Variants in UBAC2 observed in about 807,000 individuals in gnomAD.
UBAC2 encodes the protein UBA domain containing 2.
A neutral mutation model predicts 44.0 loss-of-function variants in UBAC2; 26 were observed. The ratio of observed to expected loss-of-function variants is 0.59; its 90% CI spans 0.43 to 0.82. The LOEUF is 0.82. Among genes scored for constraint, UBAC2 ranks in the 40% least tolerant of loss-of-function variants. The pLI, the probability that UBAC2 is intolerant of heterozygous loss-of-function variation, is 0.00. For synonymous variants in UBAC2, 155 were observed against 154.3 expected, an observed-to-expected ratio of 1.00 and a Z score of -0.04; for missense variants, 329 against 419.4, an observed-to-expected ratio of 0.78 and a Z score of 1.88.
rs376502594 is a variant in UBAC2, at chr13:99,200,882, C to T, written c.-27C>T. Reference sequence around the variant, plus strand: ...CTTCAGCTTCCCCTCCCCCGGCGCCCTCTGGGGCTCCGAGCCCGGCGGGAC... The same window carrying T: ...CTTCAGCTTCCCCTCCCCCGGCGCCTTCTGGGGCTCCGAGCCCGGCGGGAC... On this transcript the variant is annotated 5_prime_UTR_variant, in exon 1 of 9. Coordinates refer to ENST00000403766, the MANE Select transcript of UBAC2 (RefSeq NM_001144072.2). The T allele has an allele frequency of 8.4e-6, 11 of 1,302,518 alleles. No homozygotes were observed. Among genetic ancestry groups the T allele is most frequent in the South Asian group, 2.8e-5 (1 of 36,180 alleles). The allele number at this position is 1,302,518 out of a possible 1,614,324, so 80.7% of individuals were successfully genotyped here.
chr13:99,342,976 GT>G (rs1454391544), intron 7 of UBAC2, among the ~76,000 whole-genome samples: 1 of 152,226 alleles, frequency 6.6e-6, no homozygotes, highest in Non-Finnish European at 1.5e-5. Flanking sequence ...CCATTTGGCT[GT>G]TTTCCCCTCT....
At position 99,354,991 on chromosome 13, in the gene UBAC2, C is replaced by T. The variant is rs116482066; in HGVS notation, c.808-12796C>T. ...AGACATGAGCTGGGAAGTGGACATC[C>T]GCCTGCCACGGTGAACGCAGATAGG... On this transcript the variant is annotated intron_variant, in intron 7 of 8. Coordinates refer to ENST00000403766, the MANE Select transcript of UBAC2 (RefSeq NM_001144072.2). 2.4e-3 allele frequency among the ~76,000 whole-genome samples: 365 copies of T among 151,716 alleles called. 4 individuals carry two copies. Among genetic ancestry groups the T allele is most frequent in the African/African-American group, 8.5e-3 (347 of 41,030 alleles).
chr13:99,290,021 ATATCTGTT>A (rs1388342241), intron 4 of UBAC2, among the ~76,000 whole-genome samples: 1 of 152,196 alleles, frequency 6.6e-6, no homozygotes, highest in Non-Finnish European at 1.5e-5. Context: ...GACCTGGAAC[ATATCTGTT>A]TATTTGTTTA....
At chr13:99,327,494 G>A (rs1002869900) in intron 6 of UBAC2, among the ~76,000 whole-genome samples, 4 of 152,084 alleles carry the variant, frequency 2.6e-5, no homozygotes, top group Non-Finnish European at 4.4e-5. Context: ...CTGTGTGTGT[G>A]TGTGTGTGTT....
chr13:99,353,353 C>T (rs2045125401), intron 7 of UBAC2, among the ~76,000 whole-genome samples: 1 of 152,232 alleles, frequency 6.6e-6, no homozygotes, highest in South Asian at 2.1e-4. Context: ...TCATACTGAT[C>T]TTTTTGACAA....
chr13:99,213,400 G>A (rs1016559159), intron 1 of UBAC2, among the ~76,000 whole-genome samples: 6 of 151,588 alleles, frequency 4.0e-5, no homozygotes, highest in South Asian at 2.1e-4. Context: ...TTGCTCTGTC[G>A]TCCAGCCTGG....
chr13:99,324,586 T>C (rs1414036339), intron 6 of UBAC2, among the ~76,000 whole-genome samples: 1 of 152,218 alleles, frequency 6.6e-6, no homozygotes. Context: ...AATAGTACTC[T>C]TTTCTAAGCA....
chr13:99,366,647 C>T (rs993416622), intron 7 of UBAC2, among the ~76,000 whole-genome samples: 3 of 152,088 alleles, frequency 2.0e-5, no homozygotes, highest in Admixed American at 1.3e-4. Context: ...TCATCCCTTT[C>T]GCTGAGGGTG....
At chr13:99,374,020 AT>A (rs1229859293) in intron 8 of UBAC2, among the ~76,000 whole-genome samples, 3 of 152,206 alleles carry the variant, frequency 2.0e-5, no homozygotes, top group African/African-American at 7.2e-5. Flanking sequence ...TTTATAATGC[AT>A]GTCAAACGAC....
At chr13:99,300,432 TGTG>T (rs1232867034) in intron 4 of UBAC2, among the ~76,000 whole-genome samples, 1 of 152,234 alleles carries the variant, frequency 6.6e-6, no homozygotes, top group Non-Finnish European at 1.5e-5. Flanking sequence ...GTGTTATTAA[TGTG>T]GTAGTTTTAG....
intron 1 of UBAC2, among the ~76,000 whole-genome samples, chr13:99,212,198 G>C (rs2042943940): frequency 6.6e-6 from 1 of 152,008 alleles, no homozygotes; most frequent in Non-Finnish European, 1.5e-5. Flanking sequence ...TTTTAAAATT[G>C]GCATTTTTAT....
chr13:99,311,366 A>T (rs1008298135), intron 4 of UBAC2, among the ~76,000 whole-genome samples: 2 of 152,176 alleles, frequency 1.3e-5, no homozygotes, highest in Non-Finnish European at 2.9e-5. Flanking sequence ...GGAGCACAGG[A>T]TCAGAATGGG....
chr13:99,238,563 T>C lies in UBAC2; in HGVS notation c.159+9T>C. The C allele has an allele frequency of 1.2e-6, 2 of 1,600,462 alleles. No homozygotes were observed. Reference sequence around the variant, plus strand: ...TCAAGAACGACTTCCAGGTAAGCTCTGCCTCATTGGCCCCTGAGAGGAGAG... The same window carrying C: ...TCAAGAACGACTTCCAGGTAAGCTCCGCCTCATTGGCCCCTGAGAGGAGAG... On this transcript the variant is annotated intron_variant, in intron 2 of 8. Transcript: ENST00000403766.
At chr13:99,262,723 AAAAAAAAAAAAAAAAAAG>A (rs2043684076) in intron 4 of UBAC2, among the ~76,000 whole-genome samples, 1 of 148,890 alleles carries the variant, frequency 6.7e-6, no homozygotes, top group African/African-American at 2.4e-5. Flanking sequence ...AAAAAAAAAA[AAAAAAAAAAAAAAAAAAG>A]GACTTGTGGA....
intron 1 of UBAC2, among the ~76,000 whole-genome samples, chr13:99,221,965 C>T (rs544449779): frequency 3.5e-4 from 54 of 152,242 alleles, no homozygotes; most frequent in Non-Finnish European, 7.4e-4. Context: ...ATGTACTCTC[C>T]GAGTCACAGT....
At chr13:99,243,988 T>G (rs35086120) in intron 3 of UBAC2, 37 bp downstream of exon 3, 44,559 of 1,469,256 alleles carry the variant, frequency 0.03, 755 homozygotes, top group Middle Eastern at 0.05. Context: ...CTACTTAGGC[T>G]GTAGAAAAAA....
At chr13:99,201,093 G>C (rs1475283629) in intron 1 of UBAC2, 154 bp downstream of exon 1, 1 of 1,351,028 alleles carries the variant, frequency 7.4e-7, no homozygotes. Context: ...TCCCGGTCTT[G>C]GGGGTCAGCG....
At position 99,201,407 on chromosome 13, in the gene UBAC2, C is replaced by T. The variant is rs184806791; in HGVS notation, c.31+468C>T. On this transcript the variant is annotated intron_variant, in intron 1 of 8. Coordinates refer to ENST00000403766, the MANE Select transcript of UBAC2 (RefSeq NM_001144072.2). The stretch of plus-strand genomic sequence containing the variant: ...TTTAGAAGCTGACCTCTCAGTTTCA[C>T]TTGGATGTGTTTCTTCTTCAGTCTC... 5.0e-6 allele frequency: 8 copies of T among 1,610,434 alleles called. No individual in the cohort carries two copies. In the African/African-American group the frequency reaches 1.1e-4, roughly 21 times the overall value.
chr13:99,371,799 A>T (rs2045410041), intron 8 of UBAC2, among the ~76,000 whole-genome samples: 1 of 152,258 alleles, frequency 6.6e-6, no homozygotes, highest in Admixed American at 6.5e-5. Context: ...GTGAGAGTTC[A>T]AGAAAACCTG....
Sources: gnomAD v4.1 joint callset for allele counts (sites outside exome capture counted in the v4.1 genomes callset) on GRCh38, gnomAD v4.1.1 for gene constraint, MANE v1.5 for transcripts, NCBI Gene and HGNC (gene_info 2026-07-23, HGNC 2026-07-21) for gene names.